Variants in LYST observed in about 807,000 individuals in gnomAD.
LYST encodes lysosomal-trafficking regulator.
A neutral mutation model predicts 413.6 loss-of-function variants in LYST; 192 were observed. The ratio of observed to expected loss-of-function variants is 0.46; its 90% CI spans 0.41 to 0.52. The LOEUF is 0.52. LYST is among the 20% of genes least tolerant of loss of function. The pLI is 0.00. For missense variants in LYST, 3,815 were observed against 4,499.9 expected, an observed-to-expected ratio of 0.85 and a Z score of 4.35; for synonymous variants, 1,525 against 1,567.3, an observed-to-expected ratio of 0.97 and a Z score of 0.64.
At chr1:235,877,659 G>A (rs1681199179) in intron 1 of LYST, among the ~76,000 whole-genome samples, 1 of 152,068 alleles carries the variant, frequency 6.6e-6, no homozygotes, top group Non-Finnish European at 1.5e-5. Flanking sequence ...ACCCGCCTTG[G>A]CCTCCCAAAG....
rs776142039 is a variant in LYST, at chr1:235,830,309, T to C, written c.109A>G (p.Thr37Ala). The change falls in exon 3 of 53, where the codon ACG becomes GCG. Residue 37 changes from threonine (T) to alanine (A), a missense_variant. Coordinates refer to ENST00000389793, the MANE Select transcript of LYST (RefSeq NM_000081.4). ...VEAREEEEEE[T>A]HMATLGQYLV... Reference sequence around the variant, plus strand: ...TACTGTCCAAGGGTTGCCATGTGCGTCTCCTCCTCTTCTTCCTCCCTGGCC... The same window carrying C: ...TACTGTCCAAGGGTTGCCATGTGCGCCTCCTCCTCTTCTTCCTCCCTGGCC... The C allele has an allele frequency of 1.8e-5, 29 of 1,613,838 alleles. No homozygotes were observed. The highest frequency in any genetic ancestry group is 1.2e-4 in the Admixed American group (7 of 59,982).
At chr1:235,726,744 G>A (rs1270031678) in intron 38 of LYST, among the ~76,000 whole-genome samples, 1 of 152,178 alleles carries the variant, frequency 6.6e-6, no homozygotes. Flanking sequence ...CCCAGACCAA[G>A]TATTTGTGAA....
At chr1:235,793,714 A>G in intron 10 of LYST, 102 bp from the exon 11 acceptor site, 3 of 645,822 alleles carry the variant, frequency 4.6e-6, no homozygotes, top group Admixed American at 5.1e-5. Context: ...CACTTTTTGA[A>G]TGGATTATAA....
chr1:235,808,417 C>A (rs375118833), intron 5 of LYST, 38 bp downstream of exon 5: 8 of 1,598,960 alleles, frequency 5.0e-6, no homozygotes, highest in Non-Finnish European at 6.8e-6. Flanking sequence ...ACATGCTCAA[C>A]AACCCCCGCC....
chr1:235,699,438 T>C (rs2103092446), intron 45 of LYST, among the ~76,000 whole-genome samples: 1 of 152,344 alleles, frequency 6.6e-6, no homozygotes, highest in South Asian at 2.1e-4. Flanking sequence ...TACGGCTGCA[T>C]AGTATTTCAT....
At position 235,773,860 on chromosome 1, in the gene LYST, C is replaced by T. The variant is rs150431096; in HGVS notation, c.5766G>A (p.Lys1922=). Residue 1922 remains lysine, a synonymous_variant, in exon 19 of 53, where the codon AAG becomes AAA. Transcript: ENST00000389793. ...TACATGCCTCTGCTTTACTCCATAT[C>T]TTCCAGTCAAGCAATAGTTCCTCTA... The part of the protein sequence containing the change: ...KLLEELLLDW[K]IWSKAEQGVW... 17 of 1,612,474 alleles carry T rather than the reference C, an allele frequency of 1.1e-5. No individual in the cohort carries two copies. Among genetic ancestry groups the T allele is most frequent in the Non-Finnish European group, 1.4e-5 (16 of 1,178,858 alleles).
chr1:235,800,323 G>T lies in LYST; in HGVS notation c.4003C>A (p.Gln1335Lys). Residue 1335 changes from glutamine (Q) to lysine (K), a missense_variant, in exon 10 of 53, where the codon CAA becomes AAA. Transcript: ENST00000389793. ...GTTTAAAACAGTTTCAACTTACCTT[G>T]AAAATCAGAATCATCCTGTGTTAAA... ...SILTQDDSDFQACQRVLVDLL... is the reference protein window; with the variant it reads ...SILTQDDSDFKACQRVLVDLL... The T allele has an allele frequency of 6.4e-7, 1 of 1,572,924 alleles. No homozygotes were observed. Among genetic ancestry groups the T allele is most frequent in the South Asian group, 1.1e-5 (1 of 90,172 alleles).
At chr1:235,838,437 T>C (rs985775447) in intron 1 of LYST, among the ~76,000 whole-genome samples, 1 of 152,250 alleles carries the variant, frequency 6.6e-6, no homozygotes, top group Non-Finnish European at 1.5e-5. Context: ...GTAGACTCTA[T>C]AGGTAGAAAC....
At chr1:235,695,789 C>A (rs370871996) in intron 46 of LYST, among the ~76,000 whole-genome samples, 1 of 151,820 alleles carries the variant, frequency 6.6e-6, no homozygotes, top group Non-Finnish European at 1.5e-5. Context: ...CCCGCCACCA[C>A]GCCCGGCTAA....
chr1:235,667,534 A>G (rs1658590093), intron 50 of LYST, among the ~76,000 whole-genome samples: 1 of 152,224 alleles, frequency 6.6e-6, no homozygotes, highest in African/African-American at 2.4e-5. Context: ...CAGGCACATA[A>G]TATAGTTGTC....
intron 50 of LYST, among the ~76,000 whole-genome samples, chr1:235,667,844 A>C (rs1658621604): frequency 1.3e-5 from 2 of 152,120 alleles, no homozygotes; most frequent in South Asian, 4.2e-4. Flanking sequence ...TTGAATTTTT[A>C]GTAGAGATGG....
chr1:235,768,699 C>T (rs1014040901), intron 20 of LYST, among the ~76,000 whole-genome samples: 13 of 152,010 alleles, frequency 8.6e-5, no homozygotes, highest in Non-Finnish European at 1.5e-5. Context: ...ATAAGTGCCA[C>T]TTTTCTGACA....
At chr1:235,722,474 G>T (rs1663463704) in intron 39 of LYST, among the ~76,000 whole-genome samples, 1 of 152,078 alleles carries the variant, frequency 6.6e-6, no homozygotes, top group African/African-American at 2.4e-5. Flanking sequence ...ACAGCACTGA[G>T]CAAGTTTTTT....
intron 24 of LYST, among the ~76,000 whole-genome samples, chr1:235,756,169 G>A (rs571771071): frequency 6.6e-6 from 1 of 151,968 alleles, no homozygotes; most frequent in Non-Finnish European, 1.5e-5. Context: ...AATGCAACAC[G>A]TGTAATACCA....
intron 40 of LYST, among the ~76,000 whole-genome samples, chr1:235,719,677 A>G (rs1281241104): frequency 6.6e-6 from 1 of 151,918 alleles, no homozygotes; most frequent in African/African-American, 2.4e-5. Context: ...ACCACCTATA[A>G]AGGATTCTTG....
rs1248392481 is a variant in LYST at position 235,854,896 on chromosome 1, C to A, written c.-98+11947G>T. Reference sequence around the variant, plus strand: ...AAATATGCTACCACTAAAAATGTTACTCATATCCCTTGGAATGACAAATGT... The same window carrying A: ...AAATATGCTACCACTAAAAATGTTAATCATATCCCTTGGAATGACAAATGT... On this transcript the variant is annotated intron_variant, in intron 1 of 52. Transcript: ENST00000389793. The surrounding 1 kb of genome is among the most constrained non-coding windows in gnomAD (Gnocchi z 4.1). 6.6e-6 allele frequency among the ~76,000 whole-genome samples: 1 copy of A among 152,182 alleles called. No individual in the cohort carries two copies. Among genetic ancestry groups the A allele is most frequent in the Non-Finnish European group, 1.5e-5 (1 of 68,038 alleles).
chr1:235,848,697 T>C (rs1678175804), intron 1 of LYST, among the ~76,000 whole-genome samples: 2 of 152,038 alleles, frequency 1.3e-5, no homozygotes. Flanking sequence ...TGGGAGATAC[T>C]ACAACTGACA....
chr1:235,724,174 G>C lies in LYST; in HGVS notation c.9169C>G (p.Gln3057Glu). ...AATGATGCTGGTTCCAACTCTCCCT[G>C]AAGGCTCTAAGACAAAGAAATAGGC... ...ASDTVESSSL[Q>E]GELEPASFSW... Residue 3057 changes from glutamine to glutamate, a missense_variant, in exon 39 of 53, where the codon CAG becomes GAG. Physicochemically the swap from Gln to Glu is conservative, Grantham distance 29 (BLOSUM62 2). Coordinates refer to ENST00000389793, the MANE Select transcript of LYST (RefSeq NM_000081.4). 2 of 1,613,422 alleles carry C rather than the reference G, an allele frequency of 1.2e-6. No homozygotes were observed. The highest frequency in any genetic ancestry group is 1.7e-6 in the Non-Finnish European group (2 of 1,179,526).
chr1:235,869,386 A>G (rs868012331), upstream of LYST, among the ~76,000 whole-genome samples: 1 of 152,150 alleles, frequency 6.6e-6, no homozygotes, highest in Admixed American at 6.5e-5. Context: ...GCAGGAGAAT[A>G]GCGTGAACCC....
Sources: gnomAD v4.1 joint callset for allele counts (sites outside exome capture counted in the v4.1 genomes callset) on GRCh38, gnomAD v4.1.1 for gene constraint, Gnocchi (gnomAD v3.1) non-coding constraint, MANE v1.5 for transcripts, NCBI Gene and HGNC (gene_info 2026-07-23, HGNC 2026-07-21) for gene names.